DOCK5: variants seen among roughly 807,000 people sequenced by gnomAD.
The protein encoded by DOCK5 is dedicator of cytokinesis protein 5.
DOCK5 carries 142 observed loss-of-function variants against 251.8 expected under a neutral mutation model. The observed-to-expected ratio is 0.56, with a 90% CI of 0.49 to 0.65. The LOEUF (loss-of-function observed/expected upper bound fraction) is 0.65, where lower values mean the gene tolerates loss of function less well. DOCK5 is among the 30% of genes least tolerant of loss of function. The pLI is 0.00. For synonymous variants in DOCK5, 842 were observed against 835.5 expected, an observed-to-expected ratio of 1.01 and a Z score of -0.13; for missense variants, 2,111 against 2,312.3, an observed-to-expected ratio of 0.91 and a Z score of 1.79.
intron 46 of DOCK5, 91 bp downstream of exon 46, chr8:25,400,085 G>C: frequency 9.8e-7 from 1 of 1,015,682 alleles, no homozygotes; most frequent in East Asian, 2.6e-5. Flanking sequence ...GCCCACTCAG[G>C]GTGACTTTTC....
At chr8:25,336,698 G>A (rs540813431) in intron 22 of DOCK5, among the ~76,000 whole-genome samples, 139 of 152,264 alleles carry the variant, frequency 9.1e-4, no homozygotes, top group African/African-American at 3.2e-3. Flanking sequence ...ATCTGCTGTC[G>A]CTAGCAGAAG....
chr8:25,388,982 G>T, intron 40 of DOCK5, 109 bp from the exon 41 acceptor site: 1 of 982,100 alleles, frequency 1.0e-6, no homozygotes, highest in African/African-American at 1.6e-5. Flanking sequence ...CTTGATGGTG[G>T]GGATTGAACG....
chr8:25,395,032 AAC>A (rs1410436392), intron 44 of DOCK5, among the ~76,000 whole-genome samples: 1 of 152,134 alleles, frequency 6.6e-6, no homozygotes, highest in Non-Finnish European at 1.5e-5. Context: ...ATTATATTGT[AAC>A]ACATATTGAA....
intron 27 of DOCK5, among the ~76,000 whole-genome samples, chr8:25,354,077 A>G (rs1397858841): frequency 6.7e-6 from 1 of 150,316 alleles, no homozygotes; most frequent in South Asian, 2.1e-4. Flanking sequence ...TAGGAGAGAA[A>G]ACTAGTCAAA....
chr8:25,342,263 A>G (rs559120066), intron 24 of DOCK5, 138 bp from the exon 25 acceptor site: 5 of 618,858 alleles, frequency 8.1e-6, no homozygotes, highest in South Asian at 5.8e-5. Context: ...CTGCCATGTC[A>G]TAAACTCTCA....
intron 27 of DOCK5, among the ~76,000 whole-genome samples, chr8:25,353,815 G>A (rs1586354918): frequency 6.6e-6 from 1 of 151,980 alleles, no homozygotes; most frequent in East Asian, 1.9e-4. Flanking sequence ...CCTGAGGTCA[G>A]GAGTTCGAGA....
intron 23 of DOCK5, 27 bp downstream of exon 23, chr8:25,341,015 T>A: frequency 6.4e-7 from 1 of 1,565,426 alleles, no homozygotes; most frequent in Non-Finnish European, 8.7e-7. Flanking sequence ...CATGGGTAAC[T>A]CTTCTTAGGC....
rs762787950 is a variant in DOCK5 at position 25,323,905 on chromosome 8, A to T, written c.1673A>T (p.Asp558Val). ...GVAFVKLMNP[D>V]GTTLQDGRHD... ...GCCTTCGTGAAGCTGATGAACCCGG[A>T]TGGCACCACTCTGCAGGATGGGAGG... is the stretch of plus-strand genomic sequence containing the variant. The change falls in exon 17 of 52, where the codon GAT becomes GTT. Residue 558 changes from aspartate to valine, a missense_variant. Coordinates refer to ENST00000276440, the MANE Select transcript of DOCK5 (RefSeq NM_024940.8). 1 of 1,613,518 alleles carries T rather than the reference A, an allele frequency of 6.2e-7. No homozygotes were observed. The highest frequency in any genetic ancestry group is 8.5e-7 in the Non-Finnish European group (1 of 1,179,728).
At chr8:25,230,220 T>C (rs1056736693) in intron 1 of DOCK5, among the ~76,000 whole-genome samples, 4 of 152,198 alleles carry the variant, frequency 2.6e-5, no homozygotes, top group Admixed American at 2.0e-4. Context: ...CATATAGTAA[T>C]GCAGGAGTTT....
chr8:25,252,559 T>C (rs2117564320), intron 2 of DOCK5, among the ~76,000 whole-genome samples: 1 of 152,360 alleles, frequency 6.6e-6, no homozygotes, highest in East Asian at 1.9e-4. Context: ...TAAGGCCATG[T>C]GGCATTTTGT....
At chr8:25,387,628 A>T (rs1563226520) in intron 40 of DOCK5, among the ~76,000 whole-genome samples, 2 of 152,166 alleles carry the variant, frequency 1.3e-5, no homozygotes, top group Admixed American at 1.3e-4. Context: ...CCTCCAGTGA[A>T]CATTCCAAGT....
intron 27 of DOCK5, among the ~76,000 whole-genome samples, chr8:25,352,664 C>T (rs900224781): frequency 1.3e-5 from 2 of 152,086 alleles, no homozygotes; most frequent in African/African-American, 2.4e-5. Flanking sequence ...TTCACAAATA[C>T]GTATTTAAAA....
intron 18 of DOCK5, among the ~76,000 whole-genome samples, chr8:25,329,363 CTTAT>C (rs1805631493): frequency 6.6e-6 from 1 of 152,062 alleles, no homozygotes; most frequent in Non-Finnish European, 1.5e-5. Flanking sequence ...TGCCACCTTA[CTTAT>C]TTTTCGGTGG....
In DOCK5 at chr8:25,389,244, G is replaced by T. The variant is rs200850884; in HGVS notation, c.4273+12G>T. ...GTCCCCCAAGCAGTGTATCCTTTCC[G>T]GGGGGAGTATGGCCCCGAGGCTCTT... On this transcript the variant is annotated intron_variant, in intron 41 of 51. Coordinates refer to ENST00000276440, the MANE Select transcript of DOCK5 (RefSeq NM_024940.8). The T allele has an allele frequency of 4.8e-5, 78 of 1,611,042 alleles. No homozygotes were observed. In the East Asian group the frequency reaches 9.6e-4, roughly 20 times the overall value.
intron 38 of DOCK5, 47 bp downstream of exon 38, chr8:25,377,471 G>A (rs377430175): frequency 2.0e-5 from 31 of 1,580,778 alleles, no homozygotes; most frequent in African/African-American, 4.0e-5. Flanking sequence ...GAAAATGACC[G>A]CAGTATCGCA....
intron 1 of DOCK5, among the ~76,000 whole-genome samples, chr8:25,193,996 A>C (rs1801651684): frequency 6.6e-6 from 1 of 152,054 alleles, no homozygotes; most frequent in African/African-American, 2.4e-5. Context: ...TCACAAAACG[A>C]TAATTGAAGC....
At chr8:25,339,843 T>C (rs1805906079) in intron 22 of DOCK5, among the ~76,000 whole-genome samples, 1 of 152,202 alleles carries the variant, frequency 6.6e-6, no homozygotes, top group African/African-American at 2.4e-5. Flanking sequence ...CTGGCTTATA[T>C]TTTAAATGAT....
intron 27 of DOCK5, among the ~76,000 whole-genome samples, chr8:25,358,436 A>T (rs541511139): frequency 3.9e-5 from 6 of 152,326 alleles, no homozygotes; most frequent in Admixed American, 2.0e-4. Flanking sequence ...GATAATGGGA[A>T]CTACAATTCA....
chr8:25,278,638 G>C lies in DOCK5; in HGVS notation c.294G>C (p.Trp98Cys). 1 of 1,613,918 alleles carries C rather than the reference G, an allele frequency of 6.2e-7. No individual in the cohort carries two copies. Among genetic ancestry groups the C allele is most frequent in the Non-Finnish European group, 8.5e-7 (1 of 1,179,876 alleles). The change falls in exon 5 of 52, where the codon TGG becomes TGC. Residue 98 changes from tryptophan to cysteine, a missense_variant. By Grantham distance (215) the Trp-to-Cys change is radical. Coordinates refer to ENST00000276440, the MANE Select transcript of DOCK5 (RefSeq NM_024940.8). The stretch of plus-strand genomic sequence containing the variant: ...AGCTCACGTCCACTCTGCGAGAATG[G>C]GCTGTCATCTGGCGAAAGCTCTACG... ...VQELTSTLRE[W>C]AVIWRKLYVN...
Sources: gnomAD v4.1 joint callset for allele counts (sites outside exome capture counted in the v4.1 genomes callset) on GRCh38, gnomAD v4.1.1 for gene constraint, MANE v1.5 for transcripts, NCBI Gene and HGNC (gene_info 2026-07-23, HGNC 2026-07-21) for gene names.